Variants in ZNF469 observed in about 807,000 individuals in gnomAD.
The protein encoded by ZNF469 is zinc finger protein 469.
Under a neutral mutation model 1.0 loss-of-function variants are expected in ZNF469, and 1 was observed. That is an observed-to-expected ratio of 1.00 (90% CI 0.35 to 4.73). ZNF469 has a LOEUF of 4.73. Ranked by LOEUF, ZNF469 falls within the 30% of genes most tolerant of loss-of-function variation. The probability of loss-of-function intolerance (pLI) is 0.16; values close to 1 mark genes in which losing one functional copy is unlikely to be tolerated. For missense variants in ZNF469, 6,100 were observed against 5,356.3 expected, an observed-to-expected ratio of 1.14 and a Z score of -4.33; for synonymous variants, 2,703 against 2,363.4, an observed-to-expected ratio of 1.14 and a Z score of -4.17.
the ZNF469 span, among the ~76,000 whole-genome samples, chr16:88,240,754 C>T: frequency 2.0e-5 from 3 of 152,178 alleles, no homozygotes; most frequent in Admixed American, 6.5e-5. Context: ...TCACCTGCAG[C>T]CACGGGCAAC....
chr16:88,145,966 G>C, the ZNF469 span, among the ~76,000 whole-genome samples: 1 of 152,246 alleles, frequency 6.6e-6, no homozygotes, highest in African/African-American at 2.4e-5. Flanking sequence ...TTCCCAGCCG[G>C]CCTCGCAGTC....
rs116696830 is a variant in ZNF469, at chr16:88,435,591, G to A, written c.8121G>A (p.Ala2707=). 3,286 of 1,549,988 alleles carry A rather than the reference G, an allele frequency of 2.1e-3. 64 individuals are homozygous for A. In the African/African-American group the frequency reaches 0.038, roughly 18 times the overall value. Residue 2707 remains alanine (A), a synonymous_variant, in exon 3 of 3, where the codon GCG becomes GCA. Coordinates refer to ENST00000565624, the MANE Select transcript of ZNF469 (RefSeq NM_001367624.2). The stretch of plus-strand genomic sequence containing the variant: ...GACCTGGGGTGATGGAGGGTGCAGC[G>A]GAGACTGACCAGGAGGCTCTGTGTG... ...TLGPGVMEGA[A]ETDQEALCAG...
chr16:88,262,057 G>A, the ZNF469 span, among the ~76,000 whole-genome samples: 2 of 152,184 alleles, frequency 1.3e-5, no homozygotes, highest in Non-Finnish European at 2.9e-5. This position sits in a 1 kb window ranked among gnomAD's most constrained non-coding sequence, Gnocchi z 4.3. Context: ...TTCCGAGGCC[G>A]ATCTACGAGT....
the ZNF469 span, among the ~76,000 whole-genome samples, chr16:88,120,377 G>T: frequency 6.6e-6 from 1 of 152,382 alleles, no homozygotes; most frequent in South Asian, 2.1e-4. Context: ...ATCGGAGCTT[G>T]GTGCTCATTT....
chr16:88,429,897 C>G lies in ZNF469; in HGVS notation c.2427C>G (p.Asp809Glu). ...GGGACGCCCAGGCCGAGGGCAAAGA[C>G]GACCCCCTGAGGACAGGCTTCCTGC... ...LAGDAQAEGK[D>E]DPLRTGFLPS... Residue 809 changes from aspartate (D) to glutamate (E), a missense_variant, in exon 3 of 3, where the codon GAC becomes GAG. Coordinates refer to ENST00000565624, the MANE Select transcript of ZNF469 (RefSeq NM_001367624.2). 6.5e-7 allele frequency: 1 copy of G among 1,550,180 alleles called. No homozygotes were observed. The highest frequency in any genetic ancestry group is 1.2e-5 in the South Asian group (1 of 84,056).
chr16:88,144,031 G>A, the ZNF469 span, among the ~76,000 whole-genome samples: 1 of 152,244 alleles, frequency 6.6e-6, no homozygotes, highest in Non-Finnish European at 1.5e-5. Flanking sequence ...GGGAAACGGC[G>A]CAGGGTCAGA....
chr16:88,322,234 C>T, the ZNF469 span, among the ~76,000 whole-genome samples: 2 of 152,220 alleles, frequency 1.3e-5, no homozygotes, highest in Admixed American at 6.5e-5. Context: ...TCACCCAAAC[C>T]TGTGCCCCAC....
chr16:88,187,090 G>A, the ZNF469 span, among the ~76,000 whole-genome samples: 1 of 152,140 alleles, frequency 6.6e-6, no homozygotes, highest in Non-Finnish European at 1.5e-5. Flanking sequence ...GGAAGGCAGG[G>A]CTGGTGGGCG....
At chr16:88,111,400 C>T in the ZNF469 span, among the ~76,000 whole-genome samples, 4 of 152,128 alleles carry the variant, frequency 2.6e-5, no homozygotes, top group African/African-American at 9.7e-5. Flanking sequence ...TACAAACAAG[C>T]CAGTGATTTT....
At chr16:88,102,073 CG>C in the ZNF469 span, among the ~76,000 whole-genome samples, 1 of 142,862 alleles carries the variant, frequency 7.0e-6, no homozygotes. Context: ...CCCCGCCCCC[CG>C]CCCAGTGTCC....
chr16:88,329,250 C>T, the ZNF469 span, among the ~76,000 whole-genome samples: 7 of 152,146 alleles, frequency 4.6e-5, no homozygotes, highest in Non-Finnish European at 1.0e-4. Flanking sequence ...GGGAGCCCAG[C>T]CAGTGTGTTT....
chr16:88,324,085 C>T, the ZNF469 span, among the ~76,000 whole-genome samples: 1 of 152,198 alleles, frequency 6.6e-6, no homozygotes, highest in South Asian at 2.1e-4. Context: ...GTGAGATCCG[C>T]CGCAAAAATG....
At chr16:88,270,661 T>C in the ZNF469 span, among the ~76,000 whole-genome samples, 1 of 152,230 alleles carries the variant, frequency 6.6e-6, no homozygotes, top group African/African-American at 2.4e-5. Flanking sequence ...AAAGCAATCA[T>C]GCTCACTCCA....
chr16:88,334,048 GTGTCTGTGTC>G, the ZNF469 span, among the ~76,000 whole-genome samples: 1 of 151,418 alleles, frequency 6.6e-6, no homozygotes, highest in African/African-American at 2.4e-5. Context: ...GTGTCTCTGT[GTGTCTGTGTC>G]TGTGTGTGTC....
At chr16:88,238,630 T>A in the ZNF469 span, among the ~76,000 whole-genome samples, 1 of 152,184 alleles carries the variant, frequency 6.6e-6, no homozygotes, top group Non-Finnish European at 1.5e-5. Context: ...TTAAACACTT[T>A]AAAATGTATA....
the ZNF469 span, among the ~76,000 whole-genome samples, chr16:88,122,914 C>T: frequency 1.3e-5 from 2 of 151,924 alleles, no homozygotes; most frequent in Non-Finnish European, 1.5e-5. Flanking sequence ...GCAATCATAG[C>T]TTACTACAGC....
At chr16:88,156,793 A>G in the ZNF469 span, among the ~76,000 whole-genome samples, 1 of 152,004 alleles carries the variant, frequency 6.6e-6, no homozygotes, top group African/African-American at 2.4e-5. Context: ...AGCATGACCC[A>G]GCTGACTGTG....
At chr16:88,231,222 G>A in the ZNF469 span, among the ~76,000 whole-genome samples, 2 of 152,188 alleles carry the variant, frequency 1.3e-5, no homozygotes, top group Non-Finnish European at 2.9e-5. The surrounding 1 kb of genome is among the most constrained non-coding windows in gnomAD (Gnocchi z 4.5). Context: ...GGGAGGAACA[G>A]GACCACATCG....
the ZNF469 span, among the ~76,000 whole-genome samples, chr16:88,327,914 T>C: frequency 1.3e-5 from 2 of 152,084 alleles, no homozygotes; most frequent in East Asian, 1.9e-4. Flanking sequence ...AAACGTGAGA[T>C]TGTCTACCAG....
Sources: allele counts gnomAD v4.1 joint callset (sites outside exome capture counted in the v4.1 genomes callset), GRCh38; gene constraint gnomAD v4.1.1; non-coding constraint Gnocchi (gnomAD v3.1); transcripts MANE v1.5; gene names NCBI Gene and HGNC (gene_info 2026-07-23, HGNC 2026-07-21).